MAD1L1: variants seen among roughly 807,000 people sequenced by gnomAD.
MAD1L1 encodes mitotic arrest deficient 1 like 1.
In MAD1L1, 95 loss-of-function variants were observed where a neutral mutation model predicts 96.9. The ratio of observed to expected loss-of-function variants is 0.98; its 90% CI spans 0.83 to 1.16. The LOEUF (loss-of-function observed/expected upper bound fraction) is 1.16. MAD1L1 is among the 50% of genes most tolerant of loss of function. The probability of loss-of-function intolerance (pLI) is 0.00; values close to 1 mark genes in which losing one functional copy is unlikely to be tolerated. For missense variants in MAD1L1, 1,007 were observed against 954.4 expected, an observed-to-expected ratio of 1.06 and a Z score of -0.73; for synonymous variants, 473 against 396.6, an observed-to-expected ratio of 1.19 and a Z score of -2.29.
At position 2,216,139 on chromosome 7, in the gene MAD1L1, T is replaced by A. The variant is rs994822382; in HGVS notation, c.809+18A>T. The A allele has an allele frequency of 1.2e-5, 19 of 1,610,330 alleles. No homozygotes were observed. Among genetic ancestry groups the A allele is most frequent in the Non-Finnish European group, 1.6e-5 (19 of 1,179,030 alleles). ...AGACTCACTCGAGGCGGCTGCCCCA[T>A]CCCCCGCAACCCCTCACCGCAGGTG... On this transcript the variant is annotated intron_variant, in intron 8 of 18. Transcript: ENST00000265854.
chr7:1,942,896 T>G (rs953056705), intron 16 of MAD1L1, among the ~76,000 whole-genome samples: 1 of 152,146 alleles, frequency 6.6e-6, no homozygotes, highest in African/African-American at 2.4e-5. Flanking sequence ...ACAAAGCCAC[T>G]GCAATCAGGA....
chr7:1,899,377 G>C (rs1787100335), intron 17 of MAD1L1, among the ~76,000 whole-genome samples: 1 of 152,186 alleles, frequency 6.6e-6, no homozygotes, highest in African/African-American at 2.4e-5. Context: ...CCAGGGGCCT[G>C]GGACTGCTCC....
intron 16 of MAD1L1, among the ~76,000 whole-genome samples, chr7:1,951,981 A>G (rs1377518097): frequency 6.6e-6 from 1 of 152,130 alleles, no homozygotes; most frequent in South Asian, 2.1e-4. Context: ...CAGTGTGGTG[A>G]AACAAAGCCA....
intron 16 of MAD1L1, among the ~76,000 whole-genome samples, chr7:1,939,645 C>T (rs1240244407): frequency 6.6e-6 from 1 of 152,230 alleles, no homozygotes; most frequent in African/African-American, 2.4e-5. Flanking sequence ...GGGCTTCTGC[C>T]CACGCACTCT....
At chr7:2,009,423 G>A (rs924815456) in intron 13 of MAD1L1, among the ~76,000 whole-genome samples, 5 of 152,134 alleles carry the variant, frequency 3.3e-5, no homozygotes, top group South Asian at 2.1e-4. Flanking sequence ...TCATGGTCAC[G>A]GTCACGTGGA....
chr7:2,059,027 G>A (rs1371268203), intron 12 of MAD1L1, among the ~76,000 whole-genome samples: 2 of 130,998 alleles, frequency 1.5e-5, no homozygotes, highest in African/African-American at 5.9e-5. Flanking sequence ...GAGAGAAGCA[G>A]GGCTGGAGAG....
intron 15 of MAD1L1, among the ~76,000 whole-genome samples, chr7:1,962,552 A>G (rs1779996601): frequency 6.6e-6 from 1 of 152,258 alleles, no homozygotes; most frequent in Non-Finnish European, 1.5e-5. Flanking sequence ...GAAAGCAAAT[A>G]ATCTGATAAA....
intron 10 of MAD1L1, among the ~76,000 whole-genome samples, chr7:2,150,897 G>A (rs781495981): frequency 2.0e-5 from 3 of 152,244 alleles, no homozygotes; most frequent in Non-Finnish European, 4.4e-5. Context: ...GATGGGTGCA[G>A]AAGGAGTAGC....
At chr7:1,888,396 A>ATGCGTGTGGCTGCCTG (rs1786296875) in intron 18 of MAD1L1, among the ~76,000 whole-genome samples, 1 of 112,850 alleles carries the variant, frequency 8.9e-6, no homozygotes. Flanking sequence ...GTGTGTGTGC[A>ATGCGTGTGGCTGCCTG]TGCGTGTGGC....
chr7:1,909,874 A>G (rs1234541518), intron 17 of MAD1L1, among the ~76,000 whole-genome samples: 1 of 152,170 alleles, frequency 6.6e-6, no homozygotes, highest in East Asian at 1.9e-4. Context: ...ACTCTGCTCC[A>G]GTGAGAAGAC....
At chr7:1,898,595 C>T (rs770476259) in intron 17 of MAD1L1, among the ~76,000 whole-genome samples, 27 of 152,130 alleles carry the variant, frequency 1.8e-4, no homozygotes, top group Non-Finnish European at 1.3e-4. Flanking sequence ...AACGGCTGAC[C>T]CTCTGGTGGT....
chr7:1,821,187 C>A (rs1258500821), intron 18 of MAD1L1, among the ~76,000 whole-genome samples: 1 of 151,616 alleles, frequency 6.6e-6, no homozygotes, highest in African/African-American at 2.4e-5. Flanking sequence ...AAAAATACTA[C>A]AACAAAACTT....
chr7:1,920,223 C>T (rs1788692769), intron 17 of MAD1L1, among the ~76,000 whole-genome samples: 2 of 152,216 alleles, frequency 1.3e-5, no homozygotes, highest in Admixed American at 6.5e-5. Context: ...CTCCCTGTAA[C>T]AAGCATCTCC....
chr7:2,097,603 A>G (rs1786559275), intron 11 of MAD1L1, among the ~76,000 whole-genome samples: 1 of 152,152 alleles, frequency 6.6e-6, no homozygotes, highest in African/African-American at 2.4e-5. Context: ...GAGGGTGAGA[A>G]CCCAGGCAGC....
chr7:2,224,447 C>T (rs1239592971), intron 4 of MAD1L1, among the ~76,000 whole-genome samples: 1 of 152,194 alleles, frequency 6.6e-6, no homozygotes, highest in African/African-American at 2.4e-5. Context: ...AGGCAGTGGC[C>T]CCCACCCCAG....
At chr7:2,099,349 G>A (rs1203172084) in intron 11 of MAD1L1, among the ~76,000 whole-genome samples, 4 of 152,206 alleles carry the variant, frequency 2.6e-5, no homozygotes, top group East Asian at 1.9e-4. Context: ...GTTGTTTCCC[G>A]CAGCCCCTGC....
intron 18 of MAD1L1, among the ~76,000 whole-genome samples, chr7:1,871,213 C>T (rs1785069758): frequency 7.1e-6 from 1 of 141,794 alleles, no homozygotes; most frequent in Admixed American, 7.0e-5. Context: ...CCCACCGTAA[C>T]ACCTGCCACG....
In MAD1L1 at chr7:2,229,895, C is replaced by A. The variant is rs1254294065; in HGVS notation, c.150+89G>T. The A allele has an allele frequency of 3.6e-6, 5 of 1,396,870 alleles. No homozygotes were observed. In the African/African-American group the frequency reaches 5.7e-5, roughly 16 times the overall value. 86.5% of individuals were successfully genotyped at this position (1,396,870 alleles called of 1,614,324 possible). On this transcript the variant is annotated intron_variant, in intron 3 of 18. Transcript: ENST00000265854. Reference sequence around the variant, plus strand: ...TGTCTCTAGGCTCTGCTAATACCGACCCACCTCAACTACAGAAGACTGGAA... The same window carrying A: ...TGTCTCTAGGCTCTGCTAATACCGAACCACCTCAACTACAGAAGACTGGAA...
At chr7:2,198,299 C>T (rs1792098390) in intron 10 of MAD1L1, among the ~76,000 whole-genome samples, 1 of 152,080 alleles carries the variant, frequency 6.6e-6, no homozygotes, top group Non-Finnish European at 1.5e-5. Context: ...AGCTGACCAG[C>T]CCCATGGAAG....
Sources: gnomAD v4.1 joint callset for allele counts (sites outside exome capture counted in the v4.1 genomes callset) on GRCh38, gnomAD v4.1.1 for gene constraint, MANE v1.5 for transcripts, NCBI Gene and HGNC (gene_info 2026-07-23, HGNC 2026-07-21) for gene names.